The following STARD13 variants were observed in gnomAD, a reference collection of about 807,000 sequenced individuals.
STARD13 encodes the protein stAR-related lipid transfer protein 13.
In STARD13, 62 loss-of-function variants were observed where a neutral mutation model predicts 106.4. That is an observed-to-expected ratio of 0.58 (90% CI 0.48 to 0.72). The LOEUF (loss-of-function observed/expected upper bound fraction) is 0.72, where lower values mean the gene tolerates loss of function less well. Among genes scored for constraint, STARD13 ranks in the 30% least tolerant of loss-of-function variants. The pLI is 0.00. For synonymous variants in STARD13, 565 were observed against 553.0 expected (o/e 1.02, Z -0.31); for missense variants, 1,387 against 1,424.0 (o/e 0.97, Z 0.42).
intron 3 of STARD13, among the ~76,000 whole-genome samples, chr13:33,154,445 A>G (rs1034274595): frequency 6.6e-6 from 1 of 152,234 alleles, no homozygotes; most frequent in Non-Finnish European, 1.5e-5. Flanking sequence ...AAGTATATGT[A>G]TGCTGTCCAG....
chr13:33,343,584 A>AAAAAAAC (rs1555264004), intron 1 of STARD13, among the ~76,000 whole-genome samples: 1 of 94,138 alleles, frequency 1.1e-5, no homozygotes, highest in African/African-American at 5.0e-5. Context: ...TCTTAAAAAA[A>AAAAAAAC]AAAAAAAAAA....
the STARD13 span, among the ~76,000 whole-genome samples, chr13:33,623,652 T>C: frequency 3.3e-5 from 5 of 152,158 alleles, no homozygotes; most frequent in Non-Finnish European, 5.9e-5. Flanking sequence ...TACCTGTCTA[T>C]ATACTAAAAA....
chr13:33,232,238 G>A (rs1003487751), intron 1 of STARD13, among the ~76,000 whole-genome samples: 3 of 152,136 alleles, frequency 2.0e-5, no homozygotes, highest in African/African-American at 7.2e-5. Flanking sequence ...ACTTGAACCC[G>A]GGAGGTGGAG....
the STARD13 span, among the ~76,000 whole-genome samples, chr13:33,523,332 C>G: frequency 6.6e-6 from 1 of 152,136 alleles, no homozygotes; most frequent in African/African-American, 2.4e-5. Flanking sequence ...CTGCCCATAT[C>G]TTGCTGAGTA....
At chr13:33,304,109 A>C (rs533683609) in intron 1 of STARD13, among the ~76,000 whole-genome samples, 29 of 152,368 alleles carry the variant, frequency 1.9e-4, no homozygotes, top group African/African-American at 7.0e-4. Context: ...GGACTTTCCC[A>C]CGTTGTGAAA....
chr13:33,541,457 T>A, the STARD13 span, among the ~76,000 whole-genome samples: 194 of 152,274 alleles, frequency 1.3e-3, no homozygotes, highest in Non-Finnish European at 2.3e-3. Context: ...CCCCCTAACT[T>A]CTACATAAAC....
At chr13:33,440,767 ATTTT>A in the STARD13 span, among the ~76,000 whole-genome samples, 28 of 60,116 alleles carry the variant, frequency 4.7e-4, no homozygotes, top group African/African-American at 1.7e-3. Flanking sequence ...GAAAACAGCG[ATTTT>A]TTTTTTTTTT....
chr13:33,296,722 A>G (rs764683881), intron 1 of STARD13, among the ~76,000 whole-genome samples: 5 of 152,046 alleles, frequency 3.3e-5, no homozygotes, highest in Admixed American at 6.6e-5. Context: ...AGATTCAAGC[A>G]ATTCTCCTGC....
the STARD13 span, among the ~76,000 whole-genome samples, chr13:33,547,169 AG>A: frequency 6.6e-6 from 1 of 152,200 alleles, no homozygotes; most frequent in Non-Finnish European, 1.5e-5. Context: ...GATCAGAATT[AG>A]TCATTAACTT....
At chr13:33,279,110 T>C (rs1891617357) in intron 1 of STARD13, among the ~76,000 whole-genome samples, 1 of 152,190 alleles carries the variant, frequency 6.6e-6, no homozygotes, top group Admixed American at 6.6e-5. Flanking sequence ...TACCCTGTTG[T>C]CATAGCTAAT....
intron 1 of STARD13, among the ~76,000 whole-genome samples, chr13:33,326,590 A>T (rs2077778159): frequency 6.6e-6 from 1 of 152,158 alleles, no homozygotes; most frequent in Non-Finnish European, 1.5e-5. Context: ...ACAGCCTCAC[A>T]ATTCCCTGAA....
intron 1 of STARD13, among the ~76,000 whole-genome samples, chr13:33,261,277 C>T (rs1336345527): frequency 6.6e-6 from 1 of 152,120 alleles, no homozygotes. Flanking sequence ...ACTATGGATG[C>T]CTCTTAGCAT....
intron 1 of STARD13, among the ~76,000 whole-genome samples, chr13:33,292,876 T>C (rs1273567246): frequency 6.6e-6 from 1 of 152,150 alleles, no homozygotes; most frequent in East Asian, 1.9e-4. Flanking sequence ...GAGTTTTCCA[T>C]TGCACCGAGA....
chr13:33,381,467 C>T, the STARD13 span, among the ~76,000 whole-genome samples: 99 of 152,210 alleles, frequency 6.5e-4, no homozygotes, highest in Non-Finnish European at 1.2e-3. Flanking sequence ...TGGCTGGGCA[C>T]GGTAGCTCAT....
chr13:33,128,892 T>C (rs1446791606), intron 5 of STARD13, 37 bp downstream of exon 5: 2 of 1,557,036 alleles, frequency 1.3e-6, no homozygotes, highest in East Asian at 2.2e-5. Flanking sequence ...TACTATGAAA[T>C]GGATGAAAAA....
chr13:33,155,824 A>G (rs1007336286), intron 3 of STARD13, among the ~76,000 whole-genome samples: 4 of 152,186 alleles, frequency 2.6e-5, no homozygotes, highest in African/African-American at 9.7e-5. Context: ...TAAAAGCAAT[A>G]CAAATAGGGC....
At chr13:33,155,145 C>T (rs368780497) in intron 3 of STARD13, among the ~76,000 whole-genome samples, 1 of 152,068 alleles carries the variant, frequency 6.6e-6, no homozygotes, top group African/African-American at 2.4e-5. Flanking sequence ...GGCCGGGCAC[C>T]CTACTGAACA....
chr13:33,356,602 T>C, the STARD13 span, among the ~76,000 whole-genome samples: 1 of 152,238 alleles, frequency 6.6e-6, no homozygotes, highest in Admixed American at 6.5e-5. Flanking sequence ...ATGGGGATTA[T>C]AATAATGCTT....
chr13:33,215,119 T>TGGGG (rs71196512), intron 1 of STARD13, among the ~76,000 whole-genome samples: 61 of 75,590 alleles, frequency 8.1e-4, no homozygotes, highest in African/African-American at 3.1e-3. Flanking sequence ...AATGAGTACT[T>TGGGG]GGGGGGGGGG....
Sources: allele counts gnomAD v4.1 joint callset (sites outside exome capture counted in the v4.1 genomes callset), GRCh38; gene constraint gnomAD v4.1.1; transcripts MANE v1.5; gene names NCBI Gene and HGNC (gene_info 2026-07-23, HGNC 2026-07-21).